The following DIS3 variants were observed in gnomAD, a reference collection of about 807,000 sequenced individuals.
DIS3 encodes the protein exosome complex exonuclease RRP44.
DIS3 carries 103 observed loss-of-function variants against 113.0 expected under a neutral mutation model. The observed-to-expected ratio is 0.91, with a 90% CI of 0.78 to 1.07. The LOEUF (loss-of-function observed/expected upper bound fraction) is 1.07. Ranked by LOEUF, DIS3 falls within the 50% of genes least tolerant of loss-of-function variation. DIS3 has a pLI of 0.00. For synonymous variants in DIS3, 402 were observed against 394.3 expected (o/e 1.02, Z -0.23); for missense variants, 1,121 against 1,167.1 (o/e 0.96, Z 0.58).
chr13:72,772,490 A>G (rs903930765), intron 9 of DIS3, among the ~76,000 whole-genome samples: 1 of 152,194 alleles, frequency 6.6e-6, no homozygotes, highest in Non-Finnish European at 1.5e-5. Flanking sequence ...TTAACATATG[A>G]AAGTGTCTGC....
At chr13:72,771,513 G>C (rs1043103317) in intron 11 of DIS3, among the ~76,000 whole-genome samples, 1 of 151,926 alleles carries the variant, frequency 6.6e-6, no homozygotes, top group Non-Finnish European at 1.5e-5. Context: ...TAAACTACAA[G>C]GTGTTTTTAA....
chr13:72,763,614 A>T lies in DIS3; in HGVS notation c.1971-7T>A. 1 of 1,609,376 alleles carries T rather than the reference A, an allele frequency of 6.2e-7. No homozygotes were observed. On this transcript the variant is annotated splice_polypyrimidine_tract_variant and splice_region_variant and intron_variant, in intron 15 of 20. Transcript: ENST00000377767. ...AACCATGGAATTTGTTTCCCTGCCA[A>T]TGGAAAAAGCATTAAACAAACAAAA...
intron 11 of DIS3, 96 bp from the exon 12 acceptor site, chr13:72,771,241 GAA>G: frequency 3.0e-6 from 3 of 998,968 alleles, no homozygotes; most frequent in Non-Finnish European, 4.5e-6. Context: ...AACAAGGAAA[GAA>G]AAGAGTGTTC....
chr13:72,778,198 G>A lies in DIS3; in HGVS notation c.569C>T (p.Pro190Leu), dbSNP rs1230258465. 3 of 1,584,712 alleles carry A rather than the reference G, an allele frequency of 1.9e-6. No individual in the cohort carries two copies. Among genetic ancestry groups the A allele is most frequent in the Non-Finnish European group, 2.6e-6 (3 of 1,157,388 alleles). The change falls in exon 3 of 21, where the codon CCA (proline) becomes CTA (leucine). Residue 190 changes from proline (P) to leucine (L), a missense_variant. Coordinates refer to ENST00000377767, the MANE Select transcript of DIS3 (RefSeq NM_014953.5). ...ACATTTAGACTTACAAGTGAAAGCTGGTATTCCTTCTTCTATGGCTTTCTC... is the reference window on the plus strand; with the variant it reads ...ACATTTAGACTTACAAGTGAAAGCTAGTATTCCTTCTTCTATGGCTTTCTC... ...NKEKAIEEGI[P>L]AFTCEEYVKS...
chr13:72,775,463 ACT>A, intron 5 of DIS3, 88 bp from the exon 6 acceptor site: 2 of 1,342,068 alleles, frequency 1.5e-6, no homozygotes, highest in Non-Finnish European at 2.0e-6. Context: ...ATTTACATAC[ACT>A]CTGAATATCT....
rs1161868933 is a variant in DIS3 at position 72,773,985 on chromosome 13, T to C, written c.1062A>G (p.Arg354=). The C allele has an allele frequency of 1.2e-6, 2 of 1,612,664 alleles. No homozygotes were observed. The highest frequency in any genetic ancestry group is 1.7e-6 in the Non-Finnish European group (2 of 1,179,690). ...RVVGIIKRNW[R]PYCGMLSKSD... The stretch of plus-strand genomic sequence containing the variant: ...ACTTGGAAAGCATGCCACAATATGG[T>C]CTCCAATTCCTTTTTATTATTCCTA... Residue 354 remains arginine, a synonymous_variant, in exon 7 of 21, where the codon AGA becomes AGG. Coordinates refer to ENST00000377767, the MANE Select transcript of DIS3 (RefSeq NM_014953.5).
intron 1 of DIS3, chr13:72,781,317 C>T (rs1382743272): frequency 6.4e-7 from 1 of 1,550,980 alleles, no homozygotes; most frequent in African/African-American, 1.4e-5. Context: ...AGGCTGGAGG[C>T]CACAGAAGCC....
In DIS3 at chr13:72,759,194, T is replaced by C. The variant is rs2033565481; in HGVS notation, c.*601A>G. On this transcript the variant is annotated 3_prime_UTR_variant, in exon 21 of 21. Coordinates refer to ENST00000377767, the MANE Select transcript of DIS3 (RefSeq NM_014953.5). The stretch of plus-strand genomic sequence containing the variant: ...AATAAAAACACAACCATCTTTCCAG[T>C]CAGGTCAAAATATCCTACTTTTTGC... 1 of 193,704 alleles carries C rather than the reference T, an allele frequency of 5.2e-6. No homozygotes were observed. The highest frequency in any genetic ancestry group is 1.1e-5 in the Non-Finnish European group (1 of 92,952). The allele number at this position is 193,704 out of a possible 1,614,324, so 12.0% of individuals were successfully genotyped here. A position where few individuals can be genotyped will look rare whatever the true frequency, so the allele number is the denominator to read the frequency against.
intron 8 of DIS3, 47 bp downstream of exon 8, chr13:72,773,637 A>T (rs767305513): frequency 6.4e-7 from 1 of 1,567,148 alleles, no homozygotes; most frequent in East Asian, 2.3e-5. Context: ...ACTATTCACA[A>T]AATTTTAATT....
chr13:72,776,031 T>C lies in DIS3; in HGVS notation c.716A>G (p.Gln239Arg). 6.2e-7 allele frequency: 1 copy of C among 1,609,036 alleles called. No individual in the cohort carries two copies. Among genetic ancestry groups the C allele is most frequent in the East Asian group, 2.2e-5 (1 of 44,678 alleles). Residue 239 changes from glutamine to arginine, a missense_variant, in exon 5 of 21, where the codon CAA becomes CGA. This residue lies in a region of DIS3 where 861 missense variants were observed against 915.5 expected (regional missense o/e 0.94). Coordinates refer to ENST00000377767, the MANE Select transcript of DIS3 (RefSeq NM_014953.5). ...SEHLPLSKLQ[Q>R]GIKSGTYLQG... is the part of the protein sequence containing the mutation. ...AAGGTATGTACCAGATTTTATGCCT[T>C]GCTGTAGCTTACTTAAGGGAAGATG...
chr13:72,765,885 T>C (rs886916138), intron 15 of DIS3, 87 bp downstream of exon 15: 3 of 921,640 alleles, frequency 3.3e-6, no homozygotes, highest in Non-Finnish European at 4.7e-6. Context: ...ATTTTGTATA[T>C]AAACGTTTTC....
chr13:72,779,369 C>T (rs2138237970), intron 2 of DIS3, among the ~76,000 whole-genome samples: 1 of 152,252 alleles, frequency 6.6e-6, no homozygotes, highest in East Asian at 1.9e-4. Context: ...CTGCCCACCT[C>T]AACCTCCCAA....
chr13:72,765,334 T>C (rs1373441928), intron 15 of DIS3, among the ~76,000 whole-genome samples: 1 of 151,842 alleles, frequency 6.6e-6, no homozygotes, highest in Non-Finnish European at 1.5e-5. Context: ...ACCTAGGGAG[T>C]CTGGCTTCAT....
Position 72,758,447 on chromosome 13 carries a change from TACAC to T in DIS3, c.*1344_*1347del, listed in dbSNP as rs1264210471. The stretch of plus-strand genomic sequence containing the variant: ...TGTTTACATATTGTATATGGCTCCT[TACAC>T]ACTATCAACGGCAGAGTTGTGTACT... On this transcript the variant is annotated 3_prime_UTR_variant, in exon 21 of 21. Transcript: ENST00000377767. The T allele has an allele frequency of 1.5e-5, 3 of 200,586 alleles. No homozygotes were observed. The highest frequency in any genetic ancestry group is 2.3e-5 in the African/African-American group (1 of 43,580). 12.4% of individuals were successfully genotyped at this position (200,586 alleles called of 1,614,324 possible).
chr13:72,762,158 A>T, intron 16 of DIS3, 21 bp from the exon 17 acceptor site: 1 of 1,595,168 alleles, frequency 6.3e-7, no homozygotes, highest in Non-Finnish European at 8.6e-7. Flanking sequence ...AAAGGAGGGA[A>T]GAGCACCATA....
intron 15 of DIS3, among the ~76,000 whole-genome samples, chr13:72,764,906 A>G (rs999946076): frequency 6.6e-6 from 1 of 152,166 alleles, no homozygotes; most frequent in Non-Finnish European, 1.5e-5. Flanking sequence ...TACTGGGCTC[A>G]TTATTAGCAT....
chr13:72,770,508 G>C (rs1484260793), intron 13 of DIS3, among the ~76,000 whole-genome samples: 1 of 152,128 alleles, frequency 6.6e-6, no homozygotes, highest in Non-Finnish European at 1.5e-5. Flanking sequence ...GTAGGGCTGG[G>C]GCTGGTTACT....
In DIS3 at chr13:72,772,337, T is replaced by C. The variant is rs1416607908; in HGVS notation, c.1387-62A>G. On this transcript the variant is annotated intron_variant, in intron 9 of 20. Coordinates refer to ENST00000377767, the MANE Select transcript of DIS3 (RefSeq NM_014953.5). The stretch of plus-strand genomic sequence containing the variant: ...CCAAAGCACAACTACAACATATTAA[T>C]AGCTCTTGTGAAATCAGTAATATGT... 13 of 1,249,178 alleles carry C rather than the reference T, an allele frequency of 1.0e-5. No individual in the cohort carries two copies. In the Admixed American group the frequency reaches 2.2e-4, roughly 21 times the overall value. 77.4% of individuals were successfully genotyped at this position (1,249,178 alleles called of 1,614,324 possible). A position where few individuals can be genotyped will look rare whatever the true frequency, so the allele number is the denominator to read the frequency against.
chr13:72,768,593 G>A (rs1360656119), intron 14 of DIS3, among the ~76,000 whole-genome samples, 192 bp downstream of exon 14: 1 of 152,154 alleles, frequency 6.6e-6, no homozygotes, highest in Non-Finnish European at 1.5e-5. Flanking sequence ...ACAGTCAGCC[G>A]AGATTGTGCC....
Sources: allele counts gnomAD v4.1 joint callset (sites outside exome capture counted in the v4.1 genomes callset), GRCh38; gene constraint gnomAD v4.1.1; regional missense constraint gnomAD v4.1.1; transcripts MANE v1.5; gene names NCBI Gene and HGNC (gene_info 2026-07-23, HGNC 2026-07-21).